EFCAB11: variants seen among roughly 807,000 people sequenced by gnomAD.
EFCAB11 encodes EF-hand calcium-binding domain-containing protein 11.
Under a neutral mutation model 23.0 loss-of-function variants are expected in EFCAB11, and 14 were observed. That is an observed-to-expected ratio of 0.61 (90% confidence interval 0.40 to 0.95). The LOEUF is 0.95. EFCAB11 is among the 40% of genes least tolerant of loss of function. The pLI is 0.00. For synonymous variants in EFCAB11, 65 were observed against 66.6 expected (o/e 0.98, Z 0.11); for missense variants, 198 against 195.8 (o/e 1.01, Z -0.07).
chr14:89,894,717 C>T (rs192311445), intron 5 of EFCAB11, among the ~76,000 whole-genome samples: 7 of 152,128 alleles, frequency 4.6e-5, no homozygotes, highest in Non-Finnish European at 1.5e-5. Context: ...GAAATAATTA[C>T]TATTTTCCAC....
chr14:89,846,957 C>A (rs957566524), intron 5 of EFCAB11, among the ~76,000 whole-genome samples: 2 of 152,214 alleles, frequency 1.3e-5, no homozygotes, highest in African/African-American at 4.8e-5. Context: ...CACATTCCTT[C>A]ACTTCTACTA....
chr14:89,921,063 T>TAAAAAAAAAAAAAAAAAA (rs199585363), intron 5 of EFCAB11, among the ~76,000 whole-genome samples: 3 of 111,562 alleles, frequency 2.7e-5, no homozygotes, highest in African/African-American at 1.0e-4. Flanking sequence ...AGACTCTGTC[T>TAAAAAAAAAAAAAAAAAA]AAAAAAAAAA....
intron 5 of EFCAB11, among the ~76,000 whole-genome samples, chr14:89,838,318 C>G (rs1887149650): frequency 6.6e-6 from 1 of 151,430 alleles, no homozygotes; most frequent in African/African-American, 2.4e-5. Flanking sequence ...GAAAAGGAAC[C>G]AACTGAAAGT....
intron 5 of EFCAB11, among the ~76,000 whole-genome samples, chr14:89,866,619 G>A (rs556766791): frequency 3.9e-5 from 6 of 152,224 alleles, no homozygotes; most frequent in African/African-American, 1.2e-4. Flanking sequence ...CCACACCCTC[G>A]TCACTTGGCT....
intron 5 of EFCAB11, among the ~76,000 whole-genome samples, chr14:89,818,802 A>T (rs1479152319): frequency 6.6e-6 from 1 of 152,252 alleles, no homozygotes. Context: ...CATTACAAAA[A>T]TACTGACTGA....
intron 5 of EFCAB11, among the ~76,000 whole-genome samples, chr14:89,803,007 T>C (rs1885838380): frequency 6.6e-6 from 1 of 152,144 alleles, no homozygotes; most frequent in South Asian, 2.1e-4. Context: ...GTCCTGGGCA[T>C]TGCAGGACGT....
intron 5 of EFCAB11, chr14:89,836,700 GT>G (rs1566778227): frequency 2.2e-6 from 1 of 456,360 alleles, no homozygotes; most frequent in Non-Finnish European, 4.4e-6. Flanking sequence ...TTATTTAATA[GT>G]TTACCTTGAT....
chr14:89,812,470 A>T (rs1393807937), intron 5 of EFCAB11, among the ~76,000 whole-genome samples: 3 of 152,234 alleles, frequency 2.0e-5, no homozygotes, highest in African/African-American at 7.2e-5. Context: ...TTTACCATTC[A>T]TCTGGAAAAT....
intron 5 of EFCAB11, among the ~76,000 whole-genome samples, chr14:89,866,559 G>C (rs902367182): frequency 2.0e-5 from 3 of 152,168 alleles, no homozygotes; most frequent in Non-Finnish European, 4.4e-5. Flanking sequence ...TCCTCCCCAT[G>C]GTCTTGCACA....
intron 5 of EFCAB11, among the ~76,000 whole-genome samples, chr14:89,903,612 C>T (rs1324041030): frequency 2.0e-5 from 3 of 151,874 alleles, no homozygotes; most frequent in Admixed American, 6.6e-5. Flanking sequence ...ATGAAGAACA[C>T]AAGAATGCAA....
At chr14:89,818,515 C>T (rs947022878) in intron 5 of EFCAB11, among the ~76,000 whole-genome samples, 3 of 151,930 alleles carry the variant, frequency 2.0e-5, no homozygotes, top group Non-Finnish European at 4.4e-5. Flanking sequence ...GGTTTTTGAC[C>T]CATTAATCTT....
intron 5 of EFCAB11, among the ~76,000 whole-genome samples, chr14:89,896,152 G>A (rs1004653963): frequency 1.3e-5 from 2 of 152,196 alleles, no homozygotes; most frequent in African/African-American, 2.4e-5. Context: ...TTCGGAGGCC[G>A]AGGCGGGCGG....
rs1340147507 is a variant in EFCAB11, at chr14:89,803,804, G to C, written c.411-6480C>G. Among the ~76,000 whole-genome samples, 3 of 152,226 alleles carry C rather than the reference G, an allele frequency of 2.0e-5. 1 individual carries two copies. The highest frequency in any genetic ancestry group is 1.3e-4 in the Admixed American group (2 of 15,286). On this transcript the variant is annotated intron_variant, in intron 5 of 5. Coordinates refer to ENST00000316738, the MANE Select transcript of EFCAB11 (RefSeq NM_145231.4). Reference sequence around the variant, plus strand: ...CGCAAGCAGCCTTCTCTTCTGAGGAGCCCGCTGCTTCTTCCCACTGGCGTG... The same window carrying C: ...CGCAAGCAGCCTTCTCTTCTGAGGACCCCGCTGCTTCTTCCCACTGGCGTG...
intron 5 of EFCAB11, among the ~76,000 whole-genome samples, chr14:89,866,686 C>T (rs1297946293): frequency 1.3e-5 from 2 of 152,250 alleles, no homozygotes; most frequent in African/African-American, 4.8e-5. Flanking sequence ...GAGAAGCCAC[C>T]CCCACTCCAG....
At chr14:89,939,210 G>A (rs935975961) in intron 3 of EFCAB11, among the ~76,000 whole-genome samples, 1 of 151,876 alleles carries the variant, frequency 6.6e-6, no homozygotes, top group Non-Finnish European at 1.5e-5. Context: ...CTCTCATCAT[G>A]CCAGCTGACT....
chr14:89,863,108 G>GAA (rs200744670), intron 5 of EFCAB11, among the ~76,000 whole-genome samples: 1 of 145,552 alleles, frequency 6.9e-6, no homozygotes, highest in Non-Finnish European at 1.5e-5. Context: ...AGACTTAGTA[G>GAA]AAAAAAAAAA....
At chr14:89,874,609 T>G (rs947824264) in intron 5 of EFCAB11, among the ~76,000 whole-genome samples, 1 of 152,176 alleles carries the variant, frequency 6.6e-6, no homozygotes, top group Non-Finnish European at 1.5e-5. Flanking sequence ...TTAAGAGTAC[T>G]CAAGTCAGCT....
intron 5 of EFCAB11, among the ~76,000 whole-genome samples, chr14:89,909,648 T>TC (rs57901853): frequency 0.28 from 42,092 of 151,124 alleles, 8,078 homozygotes; most frequent in African/African-American, 0.55. Context: ...CTTCCCGGTA[T>TC]CTCAGGATAA....
At position 89,919,646 on chromosome 14, in the gene EFCAB11, G is replaced by A. The variant is rs946662852; in HGVS notation, c.410+11895C>T. ...TAAAAGTGAGTGATAAACAGGCAGA[G>A]TAGGGGGGAGAGTAAAGGGTATTAG... On this transcript the variant is annotated intron_variant, in intron 5 of 5. Transcript: ENST00000316738. 3.3e-5 allele frequency among the ~76,000 whole-genome samples: 5 copies of A among 152,182 alleles called. No homozygotes were observed. The East Asian group carries it at 5.8e-4, about 18-fold the overall frequency.
Sources: allele counts gnomAD v4.1 joint callset (sites outside exome capture counted in the v4.1 genomes callset), GRCh38; gene constraint gnomAD v4.1.1; transcripts MANE v1.5; gene names NCBI Gene and HGNC (gene_info 2026-07-23, HGNC 2026-07-21).